The following RLN2 variants were observed in gnomAD, a reference collection of about 807,000 sequenced individuals.
RLN2 encodes relaxin 2, also known as prorelaxin H2.
A neutral mutation model predicts 7.3 loss-of-function variants in RLN2; 10 were observed. The ratio of observed to expected loss-of-function variants is 1.36; its 90% CI spans 0.84 to 2.31. RLN2 has a LOEUF of 2.31. RLN2 is among the 30% of genes most tolerant of loss of function. The pLI is 0.00. For synonymous variants in RLN2, 103 were observed against 82.3 expected (o/e 1.25, Z -1.36); for missense variants, 298 against 217.6 (o/e 1.37, Z -2.32).
chr9:5,331,459 C>A, the RLN2 span, among the ~76,000 whole-genome samples: 2 of 152,080 alleles, frequency 1.3e-5, no homozygotes, highest in East Asian at 3.9e-4. Context: ...AAACGTGGCA[C>A]ATATACACCA....
the RLN2 span, among the ~76,000 whole-genome samples, chr9:5,318,007 CGT>C: frequency 1.2e-4 from 18 of 148,004 alleles, no homozygotes; most frequent in South Asian, 4.3e-4. Context: ...TGTGTGTGTG[CGT>C]GTGTGTGTGT....
the RLN2 span, among the ~76,000 whole-genome samples, chr9:5,336,121 C>A: frequency 2.6e-5 from 4 of 152,018 alleles, no homozygotes; most frequent in African/African-American, 9.7e-5. Context: ...GCATTTCCAA[C>A]ACCTGTAATC....
the RLN2 span, among the ~76,000 whole-genome samples, chr9:5,318,441 G>C: frequency 6.6e-6 from 1 of 151,786 alleles, no homozygotes; most frequent in Non-Finnish European, 1.5e-5. Flanking sequence ...TTTAAAAATA[G>C]CTCTAGCAGT....
At chr9:5,309,087 G>A (rs7856237), upstream of RLN2, among the ~76,000 whole-genome samples, 3,409 of 152,092 alleles carry the variant, frequency 0.022, 165 homozygotes, top group African/African-American at 0.078. Flanking sequence ...GGCCATGTGC[G>A]TAATCCTAAG....
intron 1 of RLN2, 87 bp downstream of exon 1, chr9:5,304,283 C>T (rs1282421966): frequency 5.9e-6 from 5 of 847,382 alleles, no homozygotes; most frequent in Admixed American, 2.3e-5. Context: ...TCGAGTCGGA[C>T]GTGCAGGCCG....
At chr9:5,302,066 G>A (rs963262150) in intron 1 of RLN2, among the ~76,000 whole-genome samples, 4 of 152,188 alleles carry the variant, frequency 2.6e-5, no homozygotes, top group African/African-American at 9.7e-5. Context: ...GAAAGAAGCT[G>A]ATGGTAATTT....
chr9:5,313,341 T>C, the RLN2 span, among the ~76,000 whole-genome samples: 1 of 152,004 alleles, frequency 6.6e-6, no homozygotes, highest in Non-Finnish European at 1.5e-5. Context: ...TTATCTCATT[T>C]TAGTTTTTGA....
the RLN2 span, chr9:5,335,673 G>GCAAA: frequency 2.3e-6 from 2 of 862,852 alleles, no homozygotes; most frequent in Non-Finnish European, 3.6e-6. Flanking sequence ...GTGAATGTTT[G>GCAAA]CATACACAAA....
the RLN2 span, among the ~76,000 whole-genome samples, chr9:5,324,096 G>A: frequency 6.6e-6 from 1 of 151,872 alleles, no homozygotes; most frequent in Middle Eastern, 3.2e-3. Flanking sequence ...CAGCTCTTAA[G>A]GTGGTGGTAG....
At chr9:5,328,062 C>T in the RLN2 span, among the ~76,000 whole-genome samples, 5 of 151,900 alleles carry the variant, frequency 3.3e-5, no homozygotes, top group African/African-American at 7.3e-5. Flanking sequence ...AGAATGAGTT[C>T]GACAAGTTGA....
the RLN2 span, among the ~76,000 whole-genome samples, chr9:5,323,478 C>T: frequency 1.3e-5 from 2 of 151,728 alleles, no homozygotes; most frequent in South Asian, 4.2e-4. Context: ...TTGTTCTTCC[C>T]TTTTATATGG....
At chr9:5,307,769 T>C (rs1046337849), upstream of RLN2, among the ~76,000 whole-genome samples, 1 of 152,082 alleles carries the variant, frequency 6.6e-6, no homozygotes, top group Admixed American at 6.5e-5. Flanking sequence ...TCTGAGCTTC[T>C]ACAGCCCCAT....
chr9:5,300,842 T>G (rs1033400726), intron 1 of RLN2, among the ~76,000 whole-genome samples: 2 of 152,212 alleles, frequency 1.3e-5, no homozygotes, highest in African/African-American at 2.4e-5. Flanking sequence ...TCCATTGCTA[T>G]GATTTATGAT....
At chr9:5,330,464 C>T in the RLN2 span, among the ~76,000 whole-genome samples, 60,006 of 150,794 alleles carry the variant, frequency 0.4, 12,504 homozygotes, top group Non-Finnish European at 0.45. Flanking sequence ...CAGTGAAACC[C>T]CATCTCTACT....
chr9:5,325,384 A>C, the RLN2 span, among the ~76,000 whole-genome samples: 1 of 152,114 alleles, frequency 6.6e-6, no homozygotes, highest in Non-Finnish European at 1.5e-5. Flanking sequence ...AAACTGCATT[A>C]ATTTGTTCAC....
the RLN2 span, among the ~76,000 whole-genome samples, chr9:5,324,342 C>G: frequency 4.6e-5 from 7 of 151,930 alleles, no homozygotes; most frequent in Non-Finnish European, 7.4e-5. Context: ...TCAAAATTCC[C>G]TCAAAACAAA....
chr9:5,330,411 G>C, the RLN2 span, among the ~76,000 whole-genome samples: 66 of 151,894 alleles, frequency 4.3e-4, 2 homozygotes, highest in African/African-American at 1.5e-3. Flanking sequence ...GGCAGAGGAG[G>C]GCAGATCACG....
chr9:5,323,515 C>A, the RLN2 span, among the ~76,000 whole-genome samples: 2 of 151,688 alleles, frequency 1.3e-5, no homozygotes, highest in African/African-American at 4.9e-5. Flanking sequence ...TTTCCCTTTT[C>A]TTTAGAGTTG....
the RLN2 span, among the ~76,000 whole-genome samples, chr9:5,334,416 G>A: frequency 6.6e-6 from 1 of 151,946 alleles, no homozygotes; most frequent in African/African-American, 2.4e-5. Flanking sequence ...AAATGCATGT[G>A]TATATACATA....
Sources: allele counts gnomAD v4.1 joint callset (sites outside exome capture counted in the v4.1 genomes callset), GRCh38; gene constraint gnomAD v4.1.1; transcripts MANE v1.5; gene names NCBI Gene and HGNC (gene_info 2026-07-23, HGNC 2026-07-21).